FER: variants seen among roughly 807,000 people sequenced by gnomAD.
FER encodes FER tyrosine kinase, also known as tyrosine-protein kinase Fer.
FER carries 63 observed loss-of-function variants against 111.0 expected under a neutral mutation model. That is an observed-to-expected ratio of 0.57 (90% confidence interval 0.46 to 0.70). The LOEUF (loss-of-function observed/expected upper bound fraction) is 0.70. Ranked by LOEUF, FER falls within the 30% of genes least tolerant of loss-of-function variation. FER has a pLI of 0.00. For synonymous variants in FER, 327 were observed against 313.9 expected (o/e 1.04, Z -0.44); for missense variants, 914 against 954.0 (o/e 0.96, Z 0.55).
chr5:108,753,116 A>C (rs964364178), intron 1 of FER, among the ~76,000 whole-genome samples: 2 of 152,112 alleles, frequency 1.3e-5, no homozygotes, highest in Non-Finnish European at 2.9e-5. Flanking sequence ...CAATGTAGGT[A>C]AGATTTAGGA....
intron 10 of FER, among the ~76,000 whole-genome samples, chr5:108,900,751 G>A (rs1029417155): frequency 6.6e-6 from 1 of 152,144 alleles, no homozygotes; most frequent in Non-Finnish European, 1.5e-5. Context: ...AATGTGCCAT[G>A]CATTGGGTAT....
chr5:108,783,121 C>G (rs1754283594), intron 2 of FER, among the ~76,000 whole-genome samples: 1 of 152,064 alleles, frequency 6.6e-6, no homozygotes, highest in Non-Finnish European at 1.5e-5. Flanking sequence ...TTGTTGTTGT[C>G]CCACAGGTCC....
chr5:108,785,758 C>T (rs937151290), intron 2 of FER, among the ~76,000 whole-genome samples: 1 of 152,198 alleles, frequency 6.6e-6, no homozygotes, highest in Non-Finnish European at 1.5e-5. Flanking sequence ...AGGAATTAGC[C>T]TGCATGGGCT....
At position 108,993,616 on chromosome 5, in the gene FER, C is replaced by CG. The variant is rs1561737071; in HGVS notation, c.1656+34269_1656+34270insG. On this transcript the variant is annotated intron_variant, in intron 13 of 19. Transcript: ENST00000281092. ...GAGAGGGCGAGGGCGAGGGAGAGGG[C>CG]AAGGGCGAGGGCGAGGGTGAGGGCG... 8.3e-3 allele frequency among the ~76,000 whole-genome samples: 1,028 copies of CG among 123,428 alleles called. 15 individuals are homozygous for CG. Among genetic ancestry groups the CG allele is most frequent in the African/African-American group, 0.03 (922 of 30,712 alleles). 81.0% of individuals were successfully genotyped at this position (123,428 alleles called of 152,430 possible).
chr5:108,904,406 G>A (rs1750459380), intron 10 of FER, among the ~76,000 whole-genome samples: 1 of 152,180 alleles, frequency 6.6e-6, no homozygotes, highest in Non-Finnish European at 1.5e-5. Flanking sequence ...AAATGAGACT[G>A]CTTGGGGTGA....
At chr5:109,181,300 T>A (rs1170054028) in intron 18 of FER, among the ~76,000 whole-genome samples, 1 of 152,214 alleles carries the variant, frequency 6.6e-6, no homozygotes, top group Non-Finnish European at 1.5e-5. Flanking sequence ...TTCTTTAGTT[T>A]CTCACTCTGA....
In FER at chr5:108,979,874, G is replaced by A. The variant is rs1282237178; in HGVS notation, c.1656+20527G>A. 3.3e-5 allele frequency among the ~76,000 whole-genome samples: 5 copies of A among 151,976 alleles called. No individual in the cohort carries two copies. The East Asian group carries it at 9.6e-4, about 29-fold the overall frequency. ...TAGTGTTCAGTGTTTAGATATGTGC[G>A]GGTCATCTGCACTGTTTGTGAGTTG... On this transcript the variant is annotated intron_variant, in intron 13 of 19. Transcript: ENST00000281092.
At chr5:108,817,188 G>A (rs1215055272) in intron 3 of FER, among the ~76,000 whole-genome samples, 1 of 146,986 alleles carries the variant, frequency 6.8e-6, no homozygotes, top group Non-Finnish European at 1.5e-5. Context: ...CTAGTCCAGG[G>A]AAACCGTGAA....
chr5:108,941,870 A>C (rs1037443486), intron 10 of FER, among the ~76,000 whole-genome samples: 1 of 152,196 alleles, frequency 6.6e-6, no homozygotes, highest in Admixed American at 6.6e-5. Flanking sequence ...CATTTGTCCA[A>C]ACCCATAGAA....
Position 109,135,140 on chromosome 5 carries a change from CAA to C in FER, c.2048+34623_2048+34624del, listed in dbSNP as rs1406022878. Among the ~76,000 whole-genome samples the C allele has an allele frequency of 3.3e-5, 5 of 152,226 alleles. No homozygotes were observed. In the East Asian group the frequency reaches 9.7e-4, roughly 29 times the overall value. On this transcript the variant is annotated intron_variant, in intron 17 of 19. Transcript: ENST00000281092. ...ATACATTGTTGATACCTGTGGAACA[CAA>C]AGTCAAGACAGGTGGGGAAATGGTT... is the stretch of plus-strand genomic sequence containing the variant.
At chr5:108,824,851 G>C (rs1414929706) in intron 3 of FER, among the ~76,000 whole-genome samples, 2 of 151,914 alleles carry the variant, frequency 1.3e-5, no homozygotes, top group African/African-American at 4.8e-5. Context: ...CTAAGCGTCG[G>C]CTGGCTTGAG....
At position 108,986,389 on chromosome 5, in the gene FER, A is replaced by C. The variant is rs185784312; in HGVS notation, c.1656+27042A>C. ...GATTGTGAAGATTTTCTTCCACTCT[A>C]TGTGTTGTCTGTTTGCTCTGCTGAT... On this transcript the variant is annotated intron_variant, in intron 13 of 19. Transcript: ENST00000281092. 2.5e-3 allele frequency among the ~76,000 whole-genome samples: 373 copies of C among 149,346 alleles called. 1 individual carries two copies. Among genetic ancestry groups the C allele is most frequent in the African/African-American group, 9.0e-3 (364 of 40,538 alleles).
At chr5:108,894,526 G>T (rs1748742203) in intron 9 of FER, 2 of 399,460 alleles carry the variant, frequency 5.0e-6, no homozygotes, top group Non-Finnish European at 9.9e-6. Context: ...TTGATGTTGA[G>T]ATACCGATCC....
intron 13 of FER, among the ~76,000 whole-genome samples, chr5:108,972,657 A>G (rs899684754): frequency 1.3e-5 from 2 of 152,188 alleles, no homozygotes; most frequent in Non-Finnish European, 2.9e-5. Context: ...CTTACGTGTA[A>G]TATACATTCA....
intron 18 of FER, among the ~76,000 whole-genome samples, chr5:109,183,279 TG>T (rs1458014676): frequency 7.3e-6 from 1 of 137,228 alleles, no homozygotes; most frequent in Non-Finnish European, 1.6e-5. Flanking sequence ...GATGGAGTTT[TG>T]CTCTGTTGCC....
intron 14 of FER, among the ~76,000 whole-genome samples, chr5:109,040,837 G>C (rs1039424723): frequency 6.6e-6 from 1 of 152,112 alleles, no homozygotes; most frequent in Admixed American, 6.6e-5. Flanking sequence ...TCCTTGAGCA[G>C]GTAAGAGGGG....
At chr5:109,067,167 T>C (rs1362846147) in intron 16 of FER, among the ~76,000 whole-genome samples, 3 of 152,302 alleles carry the variant, frequency 2.0e-5, no homozygotes, top group Middle Eastern at 3.4e-3. Flanking sequence ...CAGGTCAGGG[T>C]AAGCAACTGG....
At chr5:109,008,337 A>G (rs1561764138) in intron 13 of FER, among the ~76,000 whole-genome samples, 1 of 152,110 alleles carries the variant, frequency 6.6e-6, no homozygotes, top group African/African-American at 2.4e-5. Context: ...CCCATTTCCC[A>G]CAGCTATTTC....
intron 12 of FER, among the ~76,000 whole-genome samples, chr5:108,956,071 C>T (rs73209366): frequency 0.067 from 10,200 of 151,572 alleles, 836 homozygotes; most frequent in African/African-American, 0.19. Context: ...GTTAATTTTT[C>T]GTAGTATTCA....
Sources: gnomAD v4.1 joint callset for allele counts (sites outside exome capture counted in the v4.1 genomes callset) on GRCh38, gnomAD v4.1.1 for gene constraint, MANE v1.5 for transcripts, NCBI Gene and HGNC (gene_info 2026-07-23, HGNC 2026-07-21) for gene names.